The following SMC1B variants were observed in gnomAD, a reference collection of about 807,000 sequenced individuals.
The protein encoded by SMC1B is structural maintenance of chromosomes protein 1B.
In SMC1B, 60 loss-of-function variants were observed where a neutral mutation model predicts 157.9. That is an observed-to-expected ratio of 0.38 (90% CI 0.31 to 0.47). The LOEUF (loss-of-function observed/expected upper bound fraction) is 0.47, where lower values mean the gene tolerates loss of function less well. Among genes scored for constraint, SMC1B ranks in the 20% least tolerant of loss-of-function variants. The pLI, the probability that SMC1B is intolerant of heterozygous loss-of-function variation, is 0.99. For synonymous variants in SMC1B, 445 were observed against 483.0 expected, an observed-to-expected ratio of 0.92 and a Z score of 1.03; for missense variants, 1,165 against 1,426.2, an observed-to-expected ratio of 0.82 and a Z score of 2.95.
At chr22:45,346,502 T>C (rs554680938) in intron 23 of SMC1B, among the ~76,000 whole-genome samples, 4 of 152,298 alleles carry the variant, frequency 2.6e-5, no homozygotes, top group African/African-American at 9.6e-5. Flanking sequence ...CCTGGATTTC[T>C]CTGAGGGCCT....
rs1300415893 is a variant in SMC1B at position 45,406,792 on chromosome 22, T to C, written c.372A>G (p.Ile124Met). The stretch of plus-strand genomic sequence containing the variant: ...AATTTTGTGCTTTGACTATTATGCC[T>C]ATCTTTTCCAACTCTGCAATGTAAA... Reference protein sequence around the residue: ...RSVYIAELEKIGIIVKAQNCL... With the variant: ...RSVYIAELEKMGIIVKAQNCL... The change falls in exon 3 of 25, where the codon ATA becomes ATG. Residue 124 changes from isoleucine to methionine, a missense_variant. Ile to Met is a conservative substitution (Grantham distance 10, BLOSUM62 1). Coordinates refer to ENST00000357450, the MANE Select transcript of SMC1B (RefSeq NM_148674.5). 34 of 1,597,230 alleles carry C rather than the reference T, an allele frequency of 2.1e-5. No homozygotes were observed. The highest frequency in any genetic ancestry group is 1.6e-5 in the Non-Finnish European group (19 of 1,175,964).
Position 45,386,963 on chromosome 22 carries a change from C to T in SMC1B, c.1815G>A (p.Leu605=), listed in dbSNP as rs1271776689. ...IDVIKTQFPQ[L]KKVIQFVCGN... ...CACACACAAACTGAATCACTTTCTTCAGCTGAGGAAACTGAGTCTTTATGA... is the reference window on the plus strand; with the variant it reads ...CACACACAAACTGAATCACTTTCTTTAGCTGAGGAAACTGAGTCTTTATGA... Residue 605 remains leucine, a synonymous_variant, in exon 11 of 25, where the codon CTG becomes CTA. Transcript: ENST00000357450. 6.2e-7 allele frequency: 1 copy of T among 1,614,032 alleles called. No homozygotes were observed. Among genetic ancestry groups the T allele is most frequent in the African/African-American group, 1.3e-5 (1 of 74,936 alleles).
intron 4 of SMC1B, 145 bp downstream of exon 4, chr22:45,406,315 A>G (rs920247235): frequency 3.7e-5 from 24 of 650,014 alleles, no homozygotes; most frequent in Non-Finnish European, 5.4e-5. Flanking sequence ...AATACATCAA[A>G]AAGTTTATCT....
chr22:45,373,562 G>T (rs1486695308), intron 12 of SMC1B, among the ~76,000 whole-genome samples: 5 of 152,190 alleles, frequency 3.3e-5, no homozygotes, highest in African/African-American at 4.8e-5. Flanking sequence ...AGGCAGTCTA[G>T]TCCACAGGCA....
At chr22:45,383,924 C>T (rs1179115575) in intron 11 of SMC1B, among the ~76,000 whole-genome samples, 1 of 152,164 alleles carries the variant, frequency 6.6e-6, no homozygotes, top group Non-Finnish European at 1.5e-5. Flanking sequence ...GTACACATAT[C>T]ATTTCATATA....
chr22:45,391,624 G>A (rs972204070), intron 9 of SMC1B, among the ~76,000 whole-genome samples: 1 of 152,196 alleles, frequency 6.6e-6, no homozygotes, highest in Admixed American at 6.5e-5. Flanking sequence ...TCACAGAAGT[G>A]AGACAATCAC....
intron 10 of SMC1B, among the ~76,000 whole-genome samples, chr22:45,388,986 C>CAAAAAAAAAAAAAAAAAAGAAAAA (rs2087024149): frequency 1.8e-5 from 1 of 54,470 alleles, no homozygotes; most frequent in Non-Finnish European, 3.5e-5. Context: ...GACTCTGCCT[C>CAAAAAAAAAAAAAAAAAAGAAAAA]AAAAAAAAAA....
rs149598101 is a variant in SMC1B at position 45,412,567 on chromosome 22, C to T, written c.109+892G>A. Among the ~76,000 whole-genome samples the T allele has an allele frequency of 4.7e-3, 572 of 121,358 alleles. 3 individuals are homozygous for T. Among genetic ancestry groups the T allele is most frequent in the African/African-American group, 0.018 (553 of 30,812 alleles). 79.6% of individuals were successfully genotyped at this position (121,358 alleles called of 152,430 possible). ...GTGTTGCCAGGCTGGAGTGCAATGG[C>T]GTGTCCTTGGCTCACTGCAACTTCC... On this transcript the variant is annotated intron_variant, in intron 1 of 24. Coordinates refer to ENST00000357450, the MANE Select transcript of SMC1B (RefSeq NM_148674.5).
intron 12 of SMC1B, among the ~76,000 whole-genome samples, chr22:45,374,282 T>C (rs1242930437): frequency 6.6e-6 from 1 of 150,634 alleles, no homozygotes; most frequent in African/African-American, 2.4e-5. Flanking sequence ...AAAAGATTTA[T>C]AGAAAAAAAA....
chr22:45,379,044 A>C (rs990936331), intron 12 of SMC1B, among the ~76,000 whole-genome samples: 1 of 152,012 alleles, frequency 6.6e-6, no homozygotes, highest in African/African-American at 2.4e-5. Flanking sequence ...GTGAAGCGGC[A>C]TGATCTTGGC....
intron 22 of SMC1B, among the ~76,000 whole-genome samples, chr22:45,351,611 T>C (rs923199725): frequency 5.9e-5 from 9 of 152,200 alleles, no homozygotes; most frequent in African/African-American, 2.2e-4. Flanking sequence ...TGCAGTGGTG[T>C]CATCACGGTT....
rs746180805 is a variant in SMC1B at position 45,396,438 on chromosome 22, T to C, written c.1162A>G (p.Thr388Ala). The change falls in exon 7 of 25, where the codon ACA becomes GCA. Residue 388 changes from threonine to alanine, a missense_variant. Thr to Ala is a moderately conservative substitution (Grantham distance 58). Transcript: ENST00000357450. ...LKEQVRKKVA[T>A]MTQQLEKLQW... ...AGTTTTTCCAGTTGTTGAGTCATTG[T>C]AGCTACTTTCTTTCTTACTTGTTCC... 1 of 1,613,418 alleles carries C rather than the reference T, an allele frequency of 6.2e-7. No homozygotes were observed. The highest frequency in any genetic ancestry group is 2.2e-5 in the East Asian group (1 of 44,802).
chr22:45,409,954 C>T (rs1413856035), intron 1 of SMC1B, among the ~76,000 whole-genome samples: 3 of 152,198 alleles, frequency 2.0e-5, no homozygotes, highest in South Asian at 4.1e-4. Context: ...ACATGATAGG[C>T]AAACGGTGCC....
chr22:45,408,687 G>GA (rs535865160), intron 2 of SMC1B, 23 bp downstream of exon 2: 133 of 1,523,480 alleles, frequency 8.7e-5, no homozygotes, highest in Non-Finnish European at 9.9e-5. Context: ...AAAATAAAAT[G>GA]AAAAAAAATT....
At chr22:45,393,981 C>T in intron 8 of SMC1B, 140 bp from the exon 9 acceptor site, 1 of 621,182 alleles carries the variant, frequency 1.6e-6, no homozygotes, top group Non-Finnish European at 2.7e-6. Context: ...ATGCAATAAA[C>T]CTGACACCAA....
intron 1 of SMC1B, among the ~76,000 whole-genome samples, chr22:45,411,736 G>A (rs367675424): frequency 2.2e-4 from 33 of 151,994 alleles, no homozygotes; most frequent in East Asian, 3.9e-4. Context: ...ACAGGCGTGC[G>A]CCACCACGCC....
intron 1 of SMC1B, among the ~76,000 whole-genome samples, chr22:45,412,536 C>T (rs1348429426): frequency 3.1e-5 from 4 of 128,948 alleles, no homozygotes; most frequent in South Asian, 2.6e-4. Flanking sequence ...AGACGAGAGT[C>T]GCACTGTGTT....
At chr22:45,351,819 T>C (rs2086618518) in intron 22 of SMC1B, among the ~76,000 whole-genome samples, 1 of 152,226 alleles carries the variant, frequency 6.6e-6, no homozygotes, top group South Asian at 2.1e-4. Context: ...AGAGGTTAAT[T>C]GCCTTAATTG....
intron 19 of SMC1B, among the ~76,000 whole-genome samples, chr22:45,356,727 CTT>C (rs1174032906): frequency 9.5e-5 from 12 of 126,424 alleles, no homozygotes; most frequent in South Asian, 2.6e-4. Context: ...TTTTTCTTTT[CTT>C]TTTTTTTTTT....
Sources: allele counts gnomAD v4.1 joint callset (sites outside exome capture counted in the v4.1 genomes callset), GRCh38; gene constraint gnomAD v4.1.1; transcripts MANE v1.5; gene names NCBI Gene and HGNC (gene_info 2026-07-23, HGNC 2026-07-21).